The following SEMA5A variants were observed in gnomAD, a reference collection of about 807,000 sequenced individuals.
SEMA5A encodes the protein semaphorin 5A.
A neutral mutation model predicts 135.5 loss-of-function variants in SEMA5A; 55 were observed. That is an observed-to-expected ratio of 0.41 (90% CI 0.33 to 0.51). SEMA5A has a LOEUF of 0.51. Ranked by LOEUF, SEMA5A falls within the 20% of genes least tolerant of loss-of-function variation. The pLI is 0.37. For synonymous variants in SEMA5A, 580 were observed against 546.5 expected (o/e 1.06, Z -0.85); for missense variants, 1,290 against 1,419.9 (o/e 0.91, Z 1.47).
intron 4 of SEMA5A, among the ~76,000 whole-genome samples, chr5:9,334,381 T>A (rs1753289826): frequency 6.6e-6 from 1 of 152,240 alleles, no homozygotes; most frequent in African/African-American, 2.4e-5. Flanking sequence ...CTTACTCATA[T>A]GCCCTCTCAA....
chr5:9,521,193 T>C (rs1968368), intron 1 of SEMA5A, among the ~76,000 whole-genome samples: 121,574 of 151,712 alleles, frequency 0.8, 48,833 homozygotes, highest in Middle Eastern at 0.9. Context: ...GCAGATCATT[T>C]GAGGTCAGGA....
At chr5:9,173,320 C>T (rs1285605214) in intron 11 of SEMA5A, among the ~76,000 whole-genome samples, 2 of 138,346 alleles carry the variant, frequency 1.4e-5, no homozygotes, top group East Asian at 2.2e-4. Context: ...GAATAACTGG[C>T]TACATAATTA....
At chr5:9,182,168 A>C (rs199595187) in intron 11 of SEMA5A, among the ~76,000 whole-genome samples, 1 of 139,214 alleles carries the variant, frequency 7.2e-6, no homozygotes, top group Non-Finnish European at 1.5e-5. Flanking sequence ...CCCAAAAAAA[A>C]ATACGCTTCC....
chr5:9,184,349 T>A (rs1744692197), intron 11 of SEMA5A, among the ~76,000 whole-genome samples: 1 of 152,124 alleles, frequency 6.6e-6, no homozygotes, highest in African/African-American at 2.4e-5. Flanking sequence ...TCTGAATTAA[T>A]ATTGCACAAA....
rs79375153 is a variant in SEMA5A at position 9,257,588 on chromosome 5, A to G, written c.271-19698T>C. ...GGTTTATACTAGGGACTGAGATTCT[A>G]TTTTGCTCTAAAAAAAAAAGACTAT... is the stretch of plus-strand genomic sequence containing the variant. On this transcript the variant is annotated intron_variant, in intron 5 of 22. Coordinates refer to ENST00000382496, the MANE Select transcript of SEMA5A (RefSeq NM_003966.3). Among the ~76,000 whole-genome samples, 387 of 139,534 alleles carry G rather than the reference A, an allele frequency of 2.8e-3. 5 individuals are homozygous for G. The highest frequency in any genetic ancestry group is 9.0e-3 in the African/African-American group (369 of 40,830). The allele number at this position is 139,534 out of a possible 152,430, so 91.5% of individuals were successfully genotyped here.
At chr5:9,154,458 C>A (rs1418476282) in intron 12 of SEMA5A, 30 bp downstream of exon 12, 2 of 1,605,778 alleles carry the variant, frequency 1.2e-6, no homozygotes, top group Non-Finnish European at 8.5e-7. Flanking sequence ...ACACACACAC[C>A]AGTGCATCCT....
At chr5:9,372,292 A>T (rs1229418932) in intron 3 of SEMA5A, among the ~76,000 whole-genome samples, 1 of 152,234 alleles carries the variant, frequency 6.6e-6, no homozygotes, top group Admixed American at 6.5e-5. Context: ...GACACCAGAC[A>T]GCCAAATCCC....
At chr5:9,196,853 G>C (rs546294195) in intron 10 of SEMA5A, among the ~76,000 whole-genome samples, 111 of 152,162 alleles carry the variant, frequency 7.3e-4, no homozygotes, top group Non-Finnish European at 1.4e-3. Context: ...GAGATTCTGA[G>C]GACACAGAGC....
intron 8 of SEMA5A, among the ~76,000 whole-genome samples, chr5:9,219,199 A>G (rs1254819665): frequency 6.6e-6 from 1 of 152,214 alleles, no homozygotes; most frequent in Non-Finnish European, 1.5e-5. Context: ...TGGGTCAGAG[A>G]GGGGCTAGTG....
intron 16 of SEMA5A, among the ~76,000 whole-genome samples, chr5:9,089,027 T>A (rs1403518862): frequency 6.6e-6 from 1 of 152,148 alleles, no homozygotes; most frequent in Admixed American, 6.5e-5. Flanking sequence ...AAAACACTAC[T>A]CCTTCTTTGT....
At chr5:9,303,120 T>A (rs1192639915) in intron 5 of SEMA5A, among the ~76,000 whole-genome samples, 3 of 91,922 alleles carry the variant, frequency 3.3e-5, no homozygotes, top group African/African-American at 1.4e-4. Flanking sequence ...ATATATATAA[T>A]TTTTTTTTTT....
At chr5:9,227,206 G>A (rs890151260) in intron 6 of SEMA5A, among the ~76,000 whole-genome samples, 18 of 152,124 alleles carry the variant, frequency 1.2e-4, no homozygotes, top group Non-Finnish European at 2.5e-4. Context: ...TTTAATTGCT[G>A]TATCTGCACC....
intron 1 of SEMA5A, among the ~76,000 whole-genome samples, chr5:9,479,018 G>C (rs1759775398): frequency 6.6e-6 from 1 of 152,096 alleles, no homozygotes; most frequent in African/African-American, 2.4e-5. Flanking sequence ...TCTCATGATA[G>C]TGAGTTCTCA....
chr5:9,243,681 G>A (rs895259472), intron 5 of SEMA5A, among the ~76,000 whole-genome samples: 19 of 152,110 alleles, frequency 1.2e-4, no homozygotes, highest in South Asian at 2.1e-4. Context: ...CACTTACCTC[G>A]TTTAATGTGA....
At chr5:9,118,022 T>G (rs1342375804) in intron 15 of SEMA5A, among the ~76,000 whole-genome samples, 1 of 152,260 alleles carries the variant, frequency 6.6e-6, no homozygotes, top group Non-Finnish European at 1.5e-5. Context: ...GATTTTAGGT[T>G]GTAGTAAATA....
chr5:9,072,359 T>C (rs1341023636), intron 16 of SEMA5A, among the ~76,000 whole-genome samples: 9 of 152,110 alleles, frequency 5.9e-5, no homozygotes, highest in Non-Finnish European at 1.3e-4. Context: ...GCTGAAATTA[T>C]TGGAAAGGAG....
intron 5 of SEMA5A, among the ~76,000 whole-genome samples, chr5:9,312,924 G>A (rs956776414): frequency 6.6e-6 from 1 of 152,156 alleles, no homozygotes; most frequent in Non-Finnish European, 1.5e-5. Context: ...GAGCTGAGCC[G>A]CCATGTGTGA....
chr5:9,441,547 T>G (rs1354631006), intron 1 of SEMA5A, among the ~76,000 whole-genome samples: 1 of 149,110 alleles, frequency 6.7e-6, no homozygotes, highest in Non-Finnish European at 1.5e-5. Flanking sequence ...GAGTGCAAAC[T>G]GAATGAGATA....
intron 1 of SEMA5A, among the ~76,000 whole-genome samples, chr5:9,524,441 CA>C (rs1430054608): frequency 1.3e-5 from 2 of 152,148 alleles, no homozygotes; most frequent in African/African-American, 4.8e-5. Context: ...CTGACATAGA[CA>C]CTCCACACTG....
Sources: gnomAD v4.1 joint callset for allele counts (sites outside exome capture counted in the v4.1 genomes callset) on GRCh38, gnomAD v4.1.1 for gene constraint, MANE v1.5 for transcripts, NCBI Gene and HGNC (gene_info 2026-07-23, HGNC 2026-07-21) for gene names.